Variants in RPA3 observed in about 807,000 individuals in gnomAD.
The protein encoded by RPA3 is replication protein A3.
RPA3 carries 24 observed loss-of-function variants against 13.7 expected under a neutral mutation model. The ratio of observed to expected loss-of-function variants is 1.75; its 90% confidence interval spans 1.27 to 2.46. The LOEUF (loss-of-function observed/expected upper bound fraction) is 2.46, where lower values mean the gene tolerates loss of function less well. RPA3 is among the 30% of genes most tolerant of loss of function. The probability of loss-of-function intolerance (pLI) is 0.00; values close to 1 mark genes in which losing one functional copy is unlikely to be tolerated. For synonymous variants in RPA3, 59 were observed against 51.2 expected (o/e 1.15, Z -0.65); for missense variants, 183 against 151.0 (o/e 1.21, Z -1.11).
chr7:7,672,019 T>G (rs1446097640), intron 4 of RPA3, among the ~76,000 whole-genome samples: 1 of 152,210 alleles, frequency 6.6e-6, no homozygotes, highest in Admixed American at 6.5e-5. Flanking sequence ...GGGGTTCATA[T>G]CCTTCTCTGA....
intron 4 of RPA3, among the ~76,000 whole-genome samples, chr7:7,650,717 A>G (rs566406059): frequency 1.7e-4 from 26 of 152,392 alleles, no homozygotes; most frequent in East Asian, 7.7e-4. Flanking sequence ...TTACTAATCC[A>G]GCCATTCTGC....
chr7:7,674,432 C>A (rs1471405137), intron 4 of RPA3, among the ~76,000 whole-genome samples: 1 of 152,172 alleles, frequency 6.6e-6, no homozygotes, highest in Non-Finnish European at 1.5e-5. Context: ...ATAAACTTTA[C>A]TATAGAATTT....
At chr7:7,705,238 C>T (rs750954072) in intron 2 of RPA3, among the ~76,000 whole-genome samples, 7 of 152,240 alleles carry the variant, frequency 4.6e-5, no homozygotes, top group East Asian at 1.9e-4. Flanking sequence ...TAACGAAGTT[C>T]GTATAGTTGA....
intron 2 of RPA3, among the ~76,000 whole-genome samples, chr7:7,691,407 A>G (rs1295857923): frequency 6.6e-6 from 1 of 152,252 alleles, no homozygotes; most frequent in Non-Finnish European, 1.5e-5. Context: ...TAGAATTACT[A>G]AATACATAAT....
intron 4 of RPA3, among the ~76,000 whole-genome samples, chr7:7,666,157 C>T (rs1779449267): frequency 6.6e-6 from 1 of 151,732 alleles, no homozygotes; most frequent in Non-Finnish European, 1.5e-5. Context: ...CATATCTTTG[C>T]CCTTTGCCAA....
chr7:7,714,277 G>A (rs771259567), intron 2 of RPA3, among the ~76,000 whole-genome samples: 1 of 152,170 alleles, frequency 6.6e-6, no homozygotes, highest in Non-Finnish European at 1.5e-5. Flanking sequence ...TAAATCCTTG[G>A]ATGTTGACAG....
chr7:7,707,395 C>A (rs992402608), intron 2 of RPA3, among the ~76,000 whole-genome samples: 3 of 152,112 alleles, frequency 2.0e-5, no homozygotes, highest in Non-Finnish European at 4.4e-5. Flanking sequence ...AAGCCAGAAG[C>A]CTTGTGTTCA....
rs144315932 is a variant in RPA3, at chr7:7,688,440, T to C, written c.-1027-1112A>G. On this transcript the variant is annotated intron_variant, in intron 2 of 7. Coordinates refer to ENST00000223129, the MANE Select transcript of RPA3 (RefSeq NM_002947.5). ...GATTATTTGCTCATGGTTTGCCTTT[T>C]CACTGATTATCCGAATCCAAGGTGT... Among the ~76,000 whole-genome samples the C allele has an allele frequency of 4.1e-3, 618 of 152,298 alleles. 3 individuals carry two copies. Among genetic ancestry groups the C allele is most frequent in the African/African-American group, 0.014 (595 of 41,564 alleles).
chr7:7,673,213 A>G, intron 4 of RPA3: 1 of 797,064 alleles, frequency 1.3e-6, no homozygotes, highest in Non-Finnish European at 2.1e-6. Flanking sequence ...CCTAAGAGTA[A>G]CTATTGTTAT....
chr7:7,637,888 A>G lies in RPA3; in HGVS notation c.259T>C (p.Phe87Leu). 6.2e-7 allele frequency: 1 copy of G among 1,612,748 alleles called. No individual in the cohort carries two copies. Among genetic ancestry groups the G allele is most frequent in the Non-Finnish European group, 8.5e-7 (1 of 1,179,198 alleles). ...CCAAAAGGATGGCTATCTTCTTTAA[A>G]CTGGACATAAGATGTACACAAGATG... ...ATILCTSYVQ[F>L]KEDSHPFDLG... Residue 87 changes from phenylalanine to leucine, a missense_variant, in exon 7 of 8, where the codon TTT (phenylalanine) becomes CTT (leucine). By Grantham distance (22) the Phe-to-Leu change is conservative. Transcript: ENST00000223129.
intron 4 of RPA3, among the ~76,000 whole-genome samples, chr7:7,669,201 A>G (rs1403028120): frequency 2.0e-5 from 3 of 152,104 alleles, no homozygotes; most frequent in Admixed American, 6.6e-5. Flanking sequence ...TCAGGTGTCT[A>G]CTTGGGATCT....
intron 4 of RPA3, among the ~76,000 whole-genome samples, chr7:7,656,412 A>G (rs1785344431): frequency 6.6e-6 from 1 of 152,068 alleles, no homozygotes; most frequent in African/African-American, 2.4e-5. Context: ...GGTTTGCTGC[A>G]TCCATCAATC....
chr7:7,709,313 A>T (rs571902513), intron 2 of RPA3, among the ~76,000 whole-genome samples: 51 of 152,342 alleles, frequency 3.3e-4, no homozygotes, highest in African/African-American at 1.2e-3. Context: ...AACATTAGAA[A>T]CTTGTTCAAT....
intron 1 of RPA3, among the ~76,000 whole-genome samples, chr7:7,716,844 C>G (rs1005875437): frequency 2.0e-5 from 3 of 152,064 alleles, no homozygotes; most frequent in African/African-American, 4.8e-5. Context: ...TACTCGGGAG[C>G]CTGAGGCAGG....
chr7:7,690,167 G>T (rs867687853), intron 2 of RPA3, among the ~76,000 whole-genome samples: 1 of 152,158 alleles, frequency 6.6e-6, no homozygotes, highest in Non-Finnish European at 1.5e-5. Flanking sequence ...CAGCAATTCT[G>T]CTGATGATAA....
At chr7:7,654,941 T>C in intron 4 of RPA3, among the ~76,000 whole-genome samples, 1 of 151,916 alleles carries the variant, frequency 6.6e-6, no homozygotes, top group East Asian at 1.9e-4. Context: ...TTAATTGTTG[T>C]ACTGTTTTTT....
chr7:7,676,668 C>A (rs1228196445), intron 4 of RPA3, among the ~76,000 whole-genome samples: 1 of 151,790 alleles, frequency 6.6e-6, no homozygotes, highest in Non-Finnish European at 1.5e-5. Context: ...TTTGGCTAAC[C>A]CAAACTTTTT....
At chr7:7,704,924 T>G (rs1337952063) in intron 2 of RPA3, among the ~76,000 whole-genome samples, 1 of 152,146 alleles carries the variant, frequency 6.6e-6, no homozygotes, top group Non-Finnish European at 1.5e-5. Context: ...GGGCAGATTC[T>G]AAACAGTATT....
intron 4 of RPA3, among the ~76,000 whole-genome samples, chr7:7,645,659 G>A (rs1002708292): frequency 2.0e-5 from 3 of 152,090 alleles, no homozygotes; most frequent in Non-Finnish European, 2.9e-5. Flanking sequence ...AATTGTTACG[G>A]AATTTGATCA....
Sources: gnomAD v4.1 joint callset for allele counts (sites outside exome capture counted in the v4.1 genomes callset) on GRCh38, gnomAD v4.1.1 for gene constraint, MANE v1.5 for transcripts, NCBI Gene and HGNC (gene_info 2026-07-23, HGNC 2026-07-21) for gene names.